ARHGAP18: variants seen among roughly 807,000 people sequenced by gnomAD.
ARHGAP18 encodes Rho GTPase activating protein 18.
A neutral mutation model predicts 86.2 loss-of-function variants in ARHGAP18; 67 were observed. The ratio of observed to expected loss-of-function variants is 0.78; its 90% CI spans 0.64 to 0.95. The LOEUF (loss-of-function observed/expected upper bound fraction) is 0.95. ARHGAP18 is among the 40% of genes least tolerant of loss of function. The pLI is 0.00. For missense variants in ARHGAP18, 691 were observed against 780.4 expected (o/e 0.89, Z 1.37); for synonymous variants, 283 against 280.4 (o/e 1.01, Z -0.09).
intron 10 of ARHGAP18, among the ~76,000 whole-genome samples, chr6:129,601,836 C>G (rs1250155087): frequency 1.3e-5 from 2 of 152,070 alleles, no homozygotes; most frequent in Non-Finnish European, 2.9e-5. Context: ...CAATGTTGCC[C>G]AGGCTGGTCT....
chr6:129,668,323 T>C (rs1360866178), intron 1 of ARHGAP18, among the ~76,000 whole-genome samples: 1 of 148,558 alleles, frequency 6.7e-6, no homozygotes, highest in Non-Finnish European at 1.5e-5. Flanking sequence ...TACAGCATCC[T>C]CAACCCCTAG....
rs186341689 is a variant in ARHGAP18 at position 129,588,371 on chromosome 6, C to T, written c.1714-4259G>A. ...CCTCAAGTGATCCACCCGCCTTGGC[C>T]TCCCAGAGTGCTGGGATAACAGGCA... is the stretch of plus-strand genomic sequence containing the variant. On this transcript the variant is annotated intron_variant, in intron 12 of 14. Coordinates refer to ENST00000368149, the MANE Select transcript of ARHGAP18 (RefSeq NM_033515.3). Among the ~76,000 whole-genome samples the T allele has an allele frequency of 3.5e-3, 527 of 152,366 alleles. 10 individuals are homozygous for T. The highest frequency in any genetic ancestry group is 0.032 in the Admixed American group (485 of 15,302).
chr6:129,600,343 G>T (rs1431602324), intron 11 of ARHGAP18, among the ~76,000 whole-genome samples: 2 of 152,058 alleles, frequency 1.3e-5, no homozygotes, highest in East Asian at 1.9e-4. Flanking sequence ...TCAATAAAGG[G>T]TCTATGAAAA....
At chr6:129,596,113 A>G (rs1297942192) in intron 12 of ARHGAP18, among the ~76,000 whole-genome samples, 2 of 152,158 alleles carry the variant, frequency 1.3e-5, no homozygotes, top group African/African-American at 4.8e-5. Flanking sequence ...ATCATTTTAA[A>G]ACATAGTATA....
At position 129,615,417 on chromosome 6, in the gene ARHGAP18, C is replaced by T. The variant is rs117454040; in HGVS notation, c.1044+795G>A. Among the ~76,000 whole-genome samples, 54 of 152,250 alleles carry T rather than the reference C, an allele frequency of 3.5e-4. 1 individual carries two copies. In the East Asian group the frequency reaches 8.7e-3, roughly 24 times the overall value. ...AAGCACCAAAGGTTAGTAGGTAAGA[C>T]GGAATTAATTGACTGGTTTGGAAGA... On this transcript the variant is annotated intron_variant, in intron 7 of 14. Transcript: ENST00000368149.
At chr6:129,652,835 A>G (rs565875286) in intron 1 of ARHGAP18, among the ~76,000 whole-genome samples, 2 of 152,220 alleles carry the variant, frequency 1.3e-5, no homozygotes, top group East Asian at 1.9e-4. Flanking sequence ...CTAACAAAAT[A>G]CTTGTTGACA....
At chr6:129,578,667 T>G in intron 14 of ARHGAP18, 63 bp from the exon 15 acceptor site, 2 of 1,330,322 alleles carry the variant, frequency 1.5e-6, no homozygotes, top group Non-Finnish European at 2.1e-6. Context: ...ATTTTAAACT[T>G]AAGCTTAATT....
chr6:129,684,051 C>T (rs1488582070), intron 1 of ARHGAP18, among the ~76,000 whole-genome samples: 2 of 152,086 alleles, frequency 1.3e-5, no homozygotes, highest in Non-Finnish European at 2.9e-5. Flanking sequence ...TCTGAAAAAT[C>T]TTGGAGAGAA....
At chr6:129,609,500 G>A (rs907543090) in intron 8 of ARHGAP18, among the ~76,000 whole-genome samples, 1 of 152,206 alleles carries the variant, frequency 6.6e-6, no homozygotes, top group African/African-American at 2.4e-5. Context: ...CAGTCTGCTA[G>A]TGAGGGCCCG....
At chr6:129,634,760 G>A (rs879453977) in intron 3 of ARHGAP18, among the ~76,000 whole-genome samples, 1 of 152,124 alleles carries the variant, frequency 6.6e-6, no homozygotes, top group Non-Finnish European at 1.5e-5. Context: ...ACAACTGTGA[G>A]TATGCTACAA....
At chr6:129,642,998 G>A (rs1773501786) in intron 1 of ARHGAP18, among the ~76,000 whole-genome samples, 1 of 151,886 alleles carries the variant, frequency 6.6e-6, no homozygotes, top group African/African-American at 2.4e-5. Context: ...AGAATAAATT[G>A]AATAAATAAG....
At chr6:129,679,063 C>G (rs963587370) in intron 1 of ARHGAP18, among the ~76,000 whole-genome samples, 2 of 152,134 alleles carry the variant, frequency 1.3e-5, no homozygotes, top group Non-Finnish European at 2.9e-5. Flanking sequence ...TTACATTATT[C>G]TGAATATCAA....
At chr6:129,705,544 C>T (rs1443191135) in intron 1 of ARHGAP18, among the ~76,000 whole-genome samples, 2 of 152,096 alleles carry the variant, frequency 1.3e-5, no homozygotes, top group Non-Finnish European at 2.9e-5. Flanking sequence ...ACTTCAAAGG[C>T]CTAAACTTTT....
intron 4 of ARHGAP18, among the ~76,000 whole-genome samples, chr6:129,632,033 C>T (rs921937882): frequency 5.3e-5 from 8 of 152,146 alleles, no homozygotes; most frequent in African/African-American, 1.9e-4. Context: ...TGTTTAAAAA[C>T]TCAAGTGTGG....
intron 1 of ARHGAP18, among the ~76,000 whole-genome samples, chr6:129,690,556 CAAAT>C (rs1774510282): frequency 6.6e-6 from 1 of 152,060 alleles, no homozygotes. Context: ...CATTTTCAAA[CAAAT>C]AATATTTCAT....
chr6:129,702,244 A>G (rs773002187), intron 1 of ARHGAP18, among the ~76,000 whole-genome samples: 2 of 152,164 alleles, frequency 1.3e-5, no homozygotes, highest in Non-Finnish European at 2.9e-5. Context: ...TGCAAAAAAA[A>G]GGATAAACTT....
intron 1 of ARHGAP18, among the ~76,000 whole-genome samples, chr6:129,675,595 C>T (rs868381634): frequency 6.6e-6 from 1 of 152,144 alleles, no homozygotes; most frequent in African/African-American, 2.4e-5. Context: ...GGATACTTCT[C>T]TCTGGAACAT....
intron 12 of ARHGAP18, among the ~76,000 whole-genome samples, chr6:129,596,409 A>G (rs1392020377): frequency 6.6e-6 from 1 of 152,172 alleles, no homozygotes; most frequent in Non-Finnish European, 1.5e-5. Context: ...TTAAATGAAT[A>G]ATATCCAGAC....
chr6:129,693,155 G>A (rs1774556531), intron 1 of ARHGAP18, among the ~76,000 whole-genome samples: 1 of 152,174 alleles, frequency 6.6e-6, no homozygotes, highest in Non-Finnish European at 1.5e-5. Context: ...AAAGAGAATT[G>A]TCACTTGGAT....
Sources: allele counts gnomAD v4.1 joint callset (sites outside exome capture counted in the v4.1 genomes callset), GRCh38; gene constraint gnomAD v4.1.1; transcripts MANE v1.5; gene names NCBI Gene and HGNC (gene_info 2026-07-23, HGNC 2026-07-21).